ZNRF2: variants seen among roughly 807,000 people sequenced by gnomAD.
The protein encoded by ZNRF2 is E3 ubiquitin-protein ligase ZNRF2.
ZNRF2 carries 16 observed loss-of-function variants against 20.4 expected under a neutral mutation model. The ratio of observed to expected loss-of-function variants is 0.79; its 90% CI spans 0.53 to 1.19. The LOEUF is 1.19. Among genes scored for constraint, ZNRF2 ranks in the 50% most tolerant of loss-of-function variants. The pLI is 0.00. For synonymous variants in ZNRF2, 178 were observed against 144.9 expected, an observed-to-expected ratio of 1.23 and a Z score of -1.64; for missense variants, 363 against 332.4, an observed-to-expected ratio of 1.09 and a Z score of -0.72.
At chr7:30,285,937 G>T in intron 1 of ZNRF2, 111 bp downstream of exon 1, 1 of 1,327,966 alleles carries the variant, frequency 7.5e-7, no homozygotes. Flanking sequence ...GGGGCGCCGG[G>T]GGCTGCCTCC....
At chr7:30,289,984 AT>A (rs1798871365) in intron 1 of ZNRF2, 3 of 305,436 alleles carry the variant, frequency 9.8e-6, no homozygotes, top group Admixed American at 5.6e-5. Context: ...CTTTTAAACT[AT>A]TTATTATTAT....
chr7:30,307,696 C>G (rs569955698), intron 1 of ZNRF2, among the ~76,000 whole-genome samples: 3 of 151,710 alleles, frequency 2.0e-5, no homozygotes, highest in Non-Finnish European at 2.9e-5. Context: ...TAGCAATAAC[C>G]GTTAACCTGT....
chr7:30,314,176 A>T (rs1458337280), intron 1 of ZNRF2, among the ~76,000 whole-genome samples: 1 of 152,218 alleles, frequency 6.6e-6, no homozygotes, highest in Non-Finnish European at 1.5e-5. Flanking sequence ...AAACAAATTT[A>T]AAAGAGAAAT....
At chr7:30,346,819 A>G (rs1426308190) in intron 2 of ZNRF2, among the ~76,000 whole-genome samples, 1 of 151,648 alleles carries the variant, frequency 6.6e-6, no homozygotes. Context: ...TGTTCCTTTT[A>G]TTCTTCCTGT....
At chr7:30,358,729 A>G (rs1359963583) in intron 3 of ZNRF2, among the ~76,000 whole-genome samples, 3 of 152,246 alleles carry the variant, frequency 2.0e-5, no homozygotes, top group South Asian at 2.1e-4. Context: ...AATGGAGTCC[A>G]TAAACACTTG....
chr7:30,331,630 G>A (rs1246944035), intron 2 of ZNRF2, among the ~76,000 whole-genome samples: 1 of 152,152 alleles, frequency 6.6e-6, no homozygotes, highest in Non-Finnish European at 1.5e-5. Context: ...ATTGTGGAGA[G>A]GCAGTATTTG....
At chr7:30,365,147 C>CTTT (rs533354831) in intron 4 of ZNRF2, among the ~76,000 whole-genome samples, 62 of 70,268 alleles carry the variant, frequency 8.8e-4, no homozygotes, top group East Asian at 1.7e-3. Flanking sequence ...AGCTGATAAG[C>CTTT]TTTTTTTTTT....
chr7:30,317,504 C>T (rs764199801), intron 1 of ZNRF2, among the ~76,000 whole-genome samples: 1 of 152,132 alleles, frequency 6.6e-6, no homozygotes, highest in Admixed American at 6.5e-5. Context: ...TTGGCTTAAT[C>T]AAGAGCAAAG....
At chr7:30,340,820 C>T (rs1562617726) in intron 2 of ZNRF2, among the ~76,000 whole-genome samples, 1 of 152,102 alleles carries the variant, frequency 6.6e-6, no homozygotes, top group Non-Finnish European at 1.5e-5. Flanking sequence ...GGAATGGTAC[C>T]AGCTCCTCTT....
At chr7:30,290,118 C>A (rs1190887206) in intron 1 of ZNRF2, among the ~76,000 whole-genome samples, 1 of 152,104 alleles carries the variant, frequency 6.6e-6, no homozygotes, top group East Asian at 1.9e-4. Context: ...CAAATTACTT[C>A]CTAAGTTTTA....
At chr7:30,305,610 G>C (rs772567067) in intron 1 of ZNRF2, among the ~76,000 whole-genome samples, 30 of 152,070 alleles carry the variant, frequency 2.0e-4, no homozygotes, top group Non-Finnish European at 4.1e-4. Context: ...TTAGCAAGGA[G>C]TACACTTTTT....
At chr7:30,315,727 C>T (rs141171130) in intron 1 of ZNRF2, among the ~76,000 whole-genome samples, 4,011 of 28,220 alleles carry the variant, frequency 0.14, 189 homozygotes, top group Admixed American at 0.24. Context: ...AAAGGTGGGG[C>T]GGGGGGGGGG....
At position 30,321,399 on chromosome 7, in the gene ZNRF2, A is replaced by G. The variant is rs140209559; in HGVS notation, c.470-2243A>G. On this transcript the variant is annotated intron_variant, in intron 1 of 4. Coordinates refer to ENST00000323037, the MANE Select transcript of ZNRF2 (RefSeq NM_147128.4). ...CTCCGTGCCGTTGATGCTTTCATCTATTTTTTTTTTCTCATTTGCTGCCGA... is the reference window on the plus strand; with the variant it reads ...CTCCGTGCCGTTGATGCTTTCATCTGTTTTTTTTTTCTCATTTGCTGCCGA... 1.3e-3 allele frequency among the ~76,000 whole-genome samples: 191 copies of G among 147,172 alleles called. 1 individual carries two copies. Among genetic ancestry groups the G allele is most frequent in the African/African-American group, 4.7e-3 (187 of 40,070 alleles).
intron 1 of ZNRF2, chr7:30,288,885 G>A (rs1449190788): frequency 6.6e-6 from 1 of 152,112 alleles, no homozygotes; most frequent in Non-Finnish European, 1.5e-5. Flanking sequence ...TTTAGGGTTT[G>A]TTTGGCTTTA....
intron 1 of ZNRF2, among the ~76,000 whole-genome samples, 158 bp downstream of exon 1, chr7:30,285,984 C>G (rs1253079431): frequency 1.3e-5 from 2 of 152,220 alleles, no homozygotes; most frequent in Non-Finnish European, 2.9e-5. Context: ...CTGGAAGAAA[C>G]CCGGCGCTTA....
At chr7:30,324,228 A>G (rs535327575) in intron 2 of ZNRF2, among the ~76,000 whole-genome samples, 1 of 151,912 alleles carries the variant, frequency 6.6e-6, no homozygotes, top group Admixed American at 6.6e-5. Context: ...TACTGGAGAG[A>G]ATGGGAATGA....
At chr7:30,356,933 C>G (rs769718063) in intron 3 of ZNRF2, among the ~76,000 whole-genome samples, 2 of 152,084 alleles carry the variant, frequency 1.3e-5, no homozygotes, top group African/African-American at 4.8e-5. Context: ...TCTTGATCTC[C>G]TGACCGCATG....
At position 30,285,834 on chromosome 7, in the gene ZNRF2, C is replaced by T. The variant is rs760844634; in HGVS notation, c.469+8C>T. 10 of 1,493,986 alleles carry T rather than the reference C, an allele frequency of 6.7e-6. No individual in the cohort carries two copies. Among genetic ancestry groups the T allele is most frequent in the Non-Finnish European group, 8.8e-6 (10 of 1,130,500 alleles). 92.5% of individuals were successfully genotyped at this position (1,493,986 alleles called of 1,614,324 possible). A position where few individuals can be genotyped will look rare whatever the true frequency, so the allele number is the denominator to read the frequency against. On this transcript the variant is annotated splice_region_variant and intron_variant, in intron 1 of 4. Coordinates refer to ENST00000323037, the MANE Select transcript of ZNRF2 (RefSeq NM_147128.4). ...CGCCGCACATGTTTGGAGGTACGGACCCCTCTCCGCGCACCCGCGCTCGGT... is the reference window on the plus strand; with the variant it reads ...CGCCGCACATGTTTGGAGGTACGGATCCCTCTCCGCGCACCCGCGCTCGGT...
chr7:30,325,737 T>C (rs1432686146), intron 2 of ZNRF2, among the ~76,000 whole-genome samples: 2 of 152,198 alleles, frequency 1.3e-5, no homozygotes, highest in South Asian at 4.1e-4. Context: ...GCTGATGAAA[T>C]GTGAAAGTGG....
Sources: gnomAD v4.1 joint callset for allele counts (sites outside exome capture counted in the v4.1 genomes callset) on GRCh38, gnomAD v4.1.1 for gene constraint, MANE v1.5 for transcripts, NCBI Gene and HGNC (gene_info 2026-07-23, HGNC 2026-07-21) for gene names.